CTNND2: variants seen among roughly 807,000 people sequenced by gnomAD.
CTNND2 encodes catenin delta 2.
CTNND2 carries 22 observed loss-of-function variants against 144.4 expected under a neutral mutation model. The observed-to-expected ratio is 0.15, with a 90% CI of 0.11 to 0.22. The LOEUF is 0.22. CTNND2 is among the 10% of genes least tolerant of loss of function. The probability of loss-of-function intolerance (pLI) is 1.00; values close to 1 mark genes in which losing one functional copy is unlikely to be tolerated. For synonymous variants in CTNND2, 751 were observed against 695.6 expected (o/e 1.08, Z -1.25); for missense variants, 1,353 against 1,618.8 (o/e 0.84, Z 2.82).
Position 11,411,650 on chromosome 5 carries a change from C to A in CTNND2, c.325G>T (p.Gly109Cys). The change falls in exon 5 of 22, where the codon GGT (glycine) becomes TGT (cysteine). Residue 109 changes from glycine to cysteine, a missense_variant and splice_region_variant. Transcript: ENST00000304623. ...EEQFQWQSQD[G>C]QKDIEDELTT... Reference sequence around the variant, plus strand: ...AGCTCATCTTCGATATCTTTTTGACCATCTGAAATGAAATATTTTAAAGTG... The same window carrying A: ...AGCTCATCTTCGATATCTTTTTGACAATCTGAAATGAAATATTTTAAAGTG... 6.3e-7 allele frequency: 1 copy of A among 1,579,824 alleles called. No homozygotes were observed. Among genetic ancestry groups the A allele is most frequent in the South Asian group, 1.1e-5 (1 of 88,994 alleles).
intron 1 of CTNND2, among the ~76,000 whole-genome samples, chr5:11,893,755 C>T (rs919497561): frequency 6.6e-6 from 1 of 152,196 alleles, no homozygotes; most frequent in Non-Finnish European, 1.5e-5. Context: ...AAGCTAAGTA[C>T]ACCCCATGGA....
chr5:11,470,558 G>T (rs950898848), intron 3 of CTNND2, among the ~76,000 whole-genome samples: 1 of 152,124 alleles, frequency 6.6e-6, no homozygotes, highest in Non-Finnish European at 1.5e-5. Flanking sequence ...TCAAGAATAT[G>T]ATCACTGACT....
chr5:11,629,334 G>T (rs192525302), intron 2 of CTNND2, among the ~76,000 whole-genome samples: 14 of 152,194 alleles, frequency 9.2e-5, no homozygotes, highest in African/African-American at 2.6e-4. Flanking sequence ...AAGATACACA[G>T]GAGGTAGAAC....
chr5:11,486,005 T>C (rs556552127), intron 3 of CTNND2, among the ~76,000 whole-genome samples: 1 of 152,052 alleles, frequency 6.6e-6, no homozygotes, highest in Non-Finnish European at 1.5e-5. Context: ...TGATAAAACA[T>C]GGTATAAGAA....
Position 11,114,128 on chromosome 5 carries a change from A to ATGT in CTNND2, c.2278-3088_2278-3086dup, listed in dbSNP as rs1753304909. 2.0e-5 allele frequency among the ~76,000 whole-genome samples: 3 copies of ATGT among 152,326 alleles called. No homozygotes were observed. In the South Asian group the frequency reaches 6.2e-4, roughly 32 times the overall value. ...AGAAACGACTCTCATTGAAAGGAAA[A>ATGT]TGTTATGGCATAAGTCAGAATGATC... On this transcript the variant is annotated intron_variant, in intron 13 of 21. Coordinates refer to ENST00000304623, the MANE Select transcript of CTNND2 (RefSeq NM_001332.4).
rs750617027 is a variant in CTNND2 at position 11,094,457 on chromosome 5, G to GTGTC, written c.2637+4114_2637+4117dup. On this transcript the variant is annotated intron_variant, in intron 15 of 21. Transcript: ENST00000304623. The stretch of plus-strand genomic sequence containing the variant: ...ACTCTCCCTCCTTATGATGGTCTAT[G>GTGTC]TGTCTGCTTACAAGAGTTCTTGCTT... Among the ~76,000 whole-genome samples the GTGTC allele has an allele frequency of 1.8e-3, 262 of 148,796 alleles. 1 individual carries two copies. The highest frequency in any genetic ancestry group is 2.4e-3 in the Non-Finnish European group (160 of 67,406).
intron 2 of CTNND2, among the ~76,000 whole-genome samples, chr5:11,721,057 A>G (rs907902824): frequency 2.0e-5 from 3 of 152,224 alleles, no homozygotes; most frequent in African/African-American, 7.2e-5. Context: ...ACAAGTGAAC[A>G]CAACCCAAAT....
intron 1 of CTNND2, among the ~76,000 whole-genome samples, chr5:11,782,404 A>G (rs1790589067): frequency 1.3e-4 from 2 of 15,810 alleles, no homozygotes; most frequent in African/African-American, 2.5e-4. Flanking sequence ...AGAAAATGAG[A>G]TAGAAGGAGA....
intron 12 of CTNND2, among the ~76,000 whole-genome samples, chr5:11,143,447 T>C (rs1269561953): frequency 6.6e-6 from 1 of 152,234 alleles, no homozygotes; most frequent in Non-Finnish European, 1.5e-5. Flanking sequence ...GGTGGTTTGC[T>C]GGCAGTCTTT....
intron 9 of CTNND2, among the ~76,000 whole-genome samples, chr5:11,314,648 T>C (rs1175276005): frequency 6.6e-6 from 1 of 152,248 alleles, no homozygotes; most frequent in Admixed American, 6.5e-5. Context: ...ATTACTGGCA[T>C]AGGCCACTGC....
chr5:11,777,842 C>T (rs1790338903), intron 1 of CTNND2, among the ~76,000 whole-genome samples: 1 of 152,160 alleles, frequency 6.6e-6, no homozygotes, highest in South Asian at 2.1e-4. Context: ...TTTTTATTAG[C>T]TCTCCCAGGT....
rs190918574 is a variant in CTNND2 at position 11,708,452 on chromosome 5, G to T, written c.174+23684C>A. ...TTAATCATGGTTCTCTCTAGATATTGGAGAGATCTGAGTAGTTCTACGAAT... is the reference window on the plus strand; with the variant it reads ...TTAATCATGGTTCTCTCTAGATATTTGAGAGATCTGAGTAGTTCTACGAAT... On this transcript the variant is annotated intron_variant, in intron 2 of 21. Transcript: ENST00000304623. 1.3e-3 allele frequency among the ~76,000 whole-genome samples: 191 copies of T among 152,244 alleles called. 1 individual carries two copies. Among genetic ancestry groups the T allele is most frequent in the African/African-American group, 4.4e-3 (181 of 41,538 alleles).
At chr5:11,869,354 A>G (rs1795920978) in intron 1 of CTNND2, among the ~76,000 whole-genome samples, 1 of 152,230 alleles carries the variant, frequency 6.6e-6, no homozygotes, top group Non-Finnish European at 1.5e-5. Flanking sequence ...TGGGCAAACA[A>G]CATGTGGTTT....
At chr5:11,269,113 C>G (rs549565364) in intron 9 of CTNND2, among the ~76,000 whole-genome samples, 1 of 152,292 alleles carries the variant, frequency 6.6e-6, no homozygotes, top group East Asian at 1.9e-4. Context: ...GACTGTGAGA[C>G]TGTGGGCAAG....
chr5:11,358,279 C>G (rs1353380424), intron 8 of CTNND2, among the ~76,000 whole-genome samples: 1 of 152,128 alleles, frequency 6.6e-6, no homozygotes, highest in African/African-American at 2.4e-5. Flanking sequence ...AACTGTTCTC[C>G]CATCAAACAC....
At chr5:11,255,951 C>A (rs1294685849) in intron 9 of CTNND2, among the ~76,000 whole-genome samples, 1 of 152,196 alleles carries the variant, frequency 6.6e-6, no homozygotes, top group East Asian at 1.9e-4. Context: ...CAAACCCCAG[C>A]ATTTTACTGA....
At chr5:11,202,138 A>G (rs984208819) in intron 10 of CTNND2, among the ~76,000 whole-genome samples, 9 of 147,012 alleles carry the variant, frequency 6.1e-5, no homozygotes, top group Non-Finnish European at 1.1e-4. Flanking sequence ...ATGTACTAAA[A>G]ACAGATGGCA....
intron 2 of CTNND2, among the ~76,000 whole-genome samples, chr5:11,620,793 T>C (rs1441630062): frequency 2.6e-5 from 4 of 152,312 alleles, no homozygotes; most frequent in Admixed American, 6.5e-5. Context: ...GCTGGAGTTG[T>C]TCTTCCTAGT....
At chr5:11,595,325 A>C (rs888448691) in intron 2 of CTNND2, among the ~76,000 whole-genome samples, 4 of 152,200 alleles carry the variant, frequency 2.6e-5, no homozygotes, top group African/African-American at 9.7e-5. Context: ...CTTGAAACCA[A>C]GTGTCAGACA....
Sources: gnomAD v4.1 joint callset for allele counts (sites outside exome capture counted in the v4.1 genomes callset) on GRCh38, gnomAD v4.1.1 for gene constraint, MANE v1.5 for transcripts, NCBI Gene and HGNC (gene_info 2026-07-23, HGNC 2026-07-21) for gene names.